PHF21A: variants seen among roughly 807,000 people sequenced by gnomAD.
The protein encoded by PHF21A is PHD finger protein 21A, also known as BHC80a.
In PHF21A, 11 loss-of-function variants were observed where a neutral mutation model predicts 82.5. The observed-to-expected ratio is 0.13, with a 90% CI of 0.08 to 0.22. The LOEUF (loss-of-function observed/expected upper bound fraction) is 0.22, where lower values mean the gene tolerates loss of function less well. Ranked by LOEUF, PHF21A falls within the 10% of genes least tolerant of loss-of-function variation. The pLI is 1.00. For synonymous variants in PHF21A, 297 were observed against 302.8 expected, an observed-to-expected ratio of 0.98 and a Z score of 0.20; for missense variants, 579 against 837.8, an observed-to-expected ratio of 0.69 and a Z score of 3.81.
chr11:46,019,576 C>T (rs1404416475), intron 6 of PHF21A, among the ~76,000 whole-genome samples: 1 of 152,148 alleles, frequency 6.6e-6, no homozygotes, highest in African/African-American at 2.4e-5. Context: ...GTACTATGTT[C>T]TTTCTGATGC....
At chr11:46,051,117 G>A (rs1343274667) in intron 6 of PHF21A, among the ~76,000 whole-genome samples, 2 of 152,192 alleles carry the variant, frequency 1.3e-5, no homozygotes, top group African/African-American at 2.4e-5. Flanking sequence ...GTCTCTCTGA[G>A]GTAAAATACA....
chr11:46,014,260 T>C (rs768451272), intron 6 of PHF21A, among the ~76,000 whole-genome samples: 27 of 152,240 alleles, frequency 1.8e-4, no homozygotes, highest in Non-Finnish European at 3.2e-4. Flanking sequence ...TGAGAACATA[T>C]AATATTCAGT....
At chr11:45,975,886 T>C (rs1407600529) in intron 7 of PHF21A, among the ~76,000 whole-genome samples, 1 of 152,194 alleles carries the variant, frequency 6.6e-6, no homozygotes, top group Non-Finnish European at 1.5e-5. Context: ...CCCCGATTGC[T>C]ACTTAATATT....
chr11:46,085,286 T>C (rs535579594), intron 3 of PHF21A, among the ~76,000 whole-genome samples: 2 of 152,276 alleles, frequency 1.3e-5, no homozygotes, highest in Admixed American at 6.5e-5. Context: ...AGCTTTACAA[T>C]GAAAATCATC....
Position 46,006,697 on chromosome 11 carries a change from C to T in PHF21A, c.154-26731G>A, listed in dbSNP as rs538633735. Among the ~76,000 whole-genome samples, 132 of 152,286 alleles carry T rather than the reference C, an allele frequency of 8.7e-4. 1 individual carries two copies. Among genetic ancestry groups the T allele is most frequent in the South Asian group, 7.2e-3 (35 of 4,828 alleles). On this transcript the variant is annotated intron_variant, in intron 6 of 18. Transcript: ENST00000676320. ...ACAATCTATTCAGCTGGTCAAATGT[C>T]TTATTTAAAAAGATACACTTGTATT... is the stretch of plus-strand genomic sequence containing the variant.
chr11:46,076,209 T>C (rs564765094), intron 6 of PHF21A, among the ~76,000 whole-genome samples: 16 of 152,356 alleles, frequency 1.1e-4, no homozygotes, highest in Admixed American at 2.6e-4. Context: ...AAGATGTTCT[T>C]CTCCTGCCCT....
chr11:46,021,389 C>A (rs899547090), intron 6 of PHF21A, among the ~76,000 whole-genome samples: 7 of 151,800 alleles, frequency 4.6e-5, no homozygotes, highest in African/African-American at 1.5e-4. Context: ...AATAACCTCA[C>A]CACATTTTAA....
chr11:46,080,975 T>G (rs2096784553), intron 4 of PHF21A, among the ~76,000 whole-genome samples: 2 of 152,192 alleles, frequency 1.3e-5, no homozygotes, highest in Non-Finnish European at 2.9e-5. Context: ...TTGCTACTAT[T>G]CTAACAACCC....
At chr11:45,962,378 T>C (rs1240638530) in intron 10 of PHF21A, among the ~76,000 whole-genome samples, 1 of 152,108 alleles carries the variant, frequency 6.6e-6, no homozygotes, top group East Asian at 1.9e-4. Flanking sequence ...AGCTCTATGA[T>C]CTATGAGATC....
At chr11:46,113,695 G>A (rs1343307851) in intron 1 of PHF21A, among the ~76,000 whole-genome samples, 5 of 151,798 alleles carry the variant, frequency 3.3e-5, no homozygotes, top group African/African-American at 9.7e-5. Context: ...GCGTGGTGGC[G>A]CACGCCTGTA....
intron 6 of PHF21A, among the ~76,000 whole-genome samples, chr11:46,032,751 T>C (rs2095893059): frequency 6.6e-6 from 1 of 152,178 alleles, no homozygotes; most frequent in African/African-American, 2.4e-5. Context: ...ATCAGTTTCA[T>C]GAGTGAAAAA....
intron 6 of PHF21A, chr11:46,027,158 T>C (rs2095763485): frequency 6.6e-6 from 1 of 152,208 alleles, no homozygotes; most frequent in South Asian, 2.1e-4. Flanking sequence ...GCAGCAGCTG[T>C]CTCACATCAC....
intron 6 of PHF21A, among the ~76,000 whole-genome samples, chr11:46,003,628 T>C (rs904691046): frequency 1.3e-5 from 2 of 152,166 alleles, no homozygotes; most frequent in Admixed American, 6.5e-5. Flanking sequence ...CTAGTACTTA[T>C]AGAAGATTAA....
chr11:46,088,573 G>GT (rs1402083755), intron 3 of PHF21A, among the ~76,000 whole-genome samples: 1 of 152,174 alleles, frequency 6.6e-6, no homozygotes, highest in African/African-American at 2.4e-5. Flanking sequence ...TACTCACTGT[G>GT]TGACTACTCT....
chr11:45,983,671 T>C (rs976085082), intron 6 of PHF21A, among the ~76,000 whole-genome samples: 2 of 151,834 alleles, frequency 1.3e-5, no homozygotes, highest in African/African-American at 2.4e-5. Flanking sequence ...TAAAGGAGAG[T>C]TGCTGTGCAT....
At chr11:46,013,374 T>A (rs1467743443) in intron 6 of PHF21A, among the ~76,000 whole-genome samples, 1 of 152,186 alleles carries the variant, frequency 6.6e-6, no homozygotes, top group Non-Finnish European at 1.5e-5. Flanking sequence ...TCAGATCAAC[T>A]GTGGCAGTAT....
In PHF21A at chr11:46,121,269, A is replaced by C; in HGVS notation, c.-571T>G. The C allele has an allele frequency of 6.7e-6, 1 of 150,358 alleles. No homozygotes were observed. Among genetic ancestry groups the C allele is most frequent in the African/African-American group, 2.5e-5 (1 of 40,282 alleles). 9.3% of individuals were successfully genotyped at this position (150,358 alleles called of 1,614,324 possible). ...GGGGAGGAGGGGGTTGGGGGGAGGA[A>C]CTGGATCCTCCTCCTCCTCCAGGAG... On this transcript the variant is annotated 5_prime_UTR_variant, in exon 1 of 19. Transcript: ENST00000676320.
chr11:46,069,342 T>C (rs2096630052), intron 6 of PHF21A, among the ~76,000 whole-genome samples: 1 of 152,206 alleles, frequency 6.6e-6, no homozygotes, highest in Admixed American at 6.5e-5. Context: ...AGGGATGAAC[T>C]AGACTAAATC....
intron 1 of PHF21A, chr11:46,116,486 A>T (rs780609372): frequency 6.6e-6 from 1 of 152,192 alleles, no homozygotes; most frequent in African/African-American, 2.4e-5. Context: ...CTACTATCAC[A>T]TCACATCAAT....
Sources: gnomAD v4.1 joint callset for allele counts (sites outside exome capture counted in the v4.1 genomes callset) on GRCh38, gnomAD v4.1.1 for gene constraint, MANE v1.5 for transcripts, NCBI Gene and HGNC (gene_info 2026-07-23, HGNC 2026-07-21) for gene names.